The following IQGAP2 variants were observed in gnomAD, a reference collection of about 807,000 sequenced individuals.
IQGAP2 encodes the protein ras GTPase-activating-like protein IQGAP2.
IQGAP2 carries 173 observed loss-of-function variants against 201.3 expected under a neutral mutation model. The ratio of observed to expected loss-of-function variants is 0.86; its 90% confidence interval spans 0.76 to 0.98. IQGAP2 has a LOEUF of 0.98. Ranked by LOEUF, IQGAP2 falls within the 50% of genes least tolerant of loss-of-function variation. The pLI is 0.00. For synonymous variants in IQGAP2, 675 were observed against 673.9 expected, an observed-to-expected ratio of 1.00 and a Z score of -0.03; for missense variants, 1,687 against 1,864.8, an observed-to-expected ratio of 0.90 and a Z score of 1.76.
intron 2 of IQGAP2, among the ~76,000 whole-genome samples, chr5:76,506,915 TC>T (rs1487326240): frequency 6.6e-6 from 1 of 152,224 alleles, no homozygotes; most frequent in African/African-American, 2.4e-5. Flanking sequence ...ATAGGAACCC[TC>T]CATGTTGTCA....
intron 2 of IQGAP2, among the ~76,000 whole-genome samples, chr5:76,535,921 G>A (rs192584766): frequency 6.6e-6 from 1 of 152,216 alleles, no homozygotes; most frequent in East Asian, 1.9e-4. Flanking sequence ...TGGGAATTAA[G>A]AGAATTGTTT....
Position 76,424,810 on chromosome 5 carries a change from G to A in IQGAP2, c.46+21219G>A, listed in dbSNP as rs564575846. 2.0e-4 allele frequency among the ~76,000 whole-genome samples: 30 copies of A among 152,320 alleles called. 1 individual carries two copies. The South Asian group carries it at 2.7e-3, about 14-fold the overall frequency. On this transcript the variant is annotated intron_variant, in intron 1 of 35. Transcript: ENST00000274364. ...CTGGTTTCCTCTCCTGTGACCTGAA[G>A]TAATGAAATTGTAGTACCTGCCTGA...
chr5:76,496,702 C>CTCTTTCTT (rs1225103131), intron 2 of IQGAP2, among the ~76,000 whole-genome samples: 846 of 80,966 alleles, frequency 0.01, 61 homozygotes, highest in African/African-American at 0.041. Flanking sequence ...TTCTTTCTGT[C>CTCTTTCTT]TCTTTCTTTC....
At chr5:76,637,858 T>C (rs761530170) in intron 16 of IQGAP2, among the ~76,000 whole-genome samples, 5 of 152,244 alleles carry the variant, frequency 3.3e-5, no homozygotes, top group Admixed American at 6.5e-5. Context: ...CATGTGTCCA[T>C]GTATTGTACT....
rs1750635368 is a variant in IQGAP2 at position 76,403,689 on chromosome 5, G to A, written c.46+98G>A. 7.4e-6 allele frequency: 8 copies of A among 1,074,852 alleles called. No individual in the cohort carries two copies. The South Asian group carries it at 1.5e-4, about 20-fold the overall frequency. The allele number at this position is 1,074,852 out of a possible 1,614,324, so 66.6% of individuals were successfully genotyped here. ...CCGAGGGAGCCGGTTGCGCGGCGCA[G>A]AGGAAATTGGAAGGCAGCAACTGCG... On this transcript the variant is annotated intron_variant, in intron 1 of 35. Transcript: ENST00000274364. This position sits in a 1 kb window ranked among gnomAD's most constrained non-coding sequence, Gnocchi z 4.8.
intron 31 of IQGAP2, 100 bp downstream of exon 31, chr5:76,693,542 C>T: frequency 1.2e-6 from 1 of 800,444 alleles, no homozygotes; most frequent in East Asian, 2.7e-5. Flanking sequence ...CTGTATCTGA[C>T]ATGGTCCGGA....
rs1196140768 is a variant in IQGAP2, at chr5:76,422,422, A to C, written c.46+18831A>C. ...GTTTTTGAAGGCTGATCATTCTTCC[A>C]CTCCTTCATTGGAAATTAGCCAAGA... On this transcript the variant is annotated intron_variant, in intron 1 of 35. Coordinates refer to ENST00000274364, the MANE Select transcript of IQGAP2 (RefSeq NM_006633.5). 2.0e-5 allele frequency among the ~76,000 whole-genome samples: 3 copies of C among 151,968 alleles called. No individual in the cohort carries two copies. In the South Asian group the frequency reaches 6.2e-4, roughly 31 times the overall value.
At chr5:76,508,585 A>T (rs1445113560) in intron 2 of IQGAP2, among the ~76,000 whole-genome samples, 1 of 151,012 alleles carries the variant, frequency 6.6e-6, no homozygotes, top group African/African-American at 2.4e-5. Context: ...GCTCACCCCC[A>T]TAATCCCAGC....
intron 5 of IQGAP2, 44 bp from the exon 6 acceptor site, chr5:76,588,862 T>TA: frequency 8.4e-7 from 1 of 1,192,076 alleles, no homozygotes; most frequent in Non-Finnish European, 1.2e-6. Flanking sequence ...CATTAAGACT[T>TA]ATGATGATAA....
rs181359610 is a variant in IQGAP2 at position 76,698,075 on chromosome 5, C to A, written c.4295C>A (p.Ala1432Glu). ...QQTLNALNKK[A>E]AFYEEQINYY... is the part of the protein sequence containing the mutation. ...ACCCTGAATGCACTTAACAAGAAGG[C>A]AGCATTTTATGAAGAGCAAATCAAT... The change falls in exon 33 of 36, where the codon GCA (alanine) becomes GAA (glutamate). Residue 1432 changes from alanine to glutamate, a missense_variant. Ala to Glu is a moderately radical substitution (Grantham distance 107, BLOSUM62 -1). Transcript: ENST00000274364. 2.5e-6 allele frequency: 4 copies of A among 1,612,584 alleles called. No homozygotes were observed. The East Asian group carries it at 6.7e-5, about 27-fold the overall frequency.
chr5:76,614,605 C>CTTTTTTTTTTTTTTT lies in IQGAP2; in HGVS notation c.1521+3435_1521+3449dup, dbSNP rs10603126. 5.0e-5 allele frequency among the ~76,000 whole-genome samples: 3 copies of CTTTTTTTTTTTTTTT among 59,572 alleles called. 1 individual carries two copies. Among genetic ancestry groups the CTTTTTTTTTTTTTTT allele is most frequent in the African/African-American group, 7.2e-5 (1 of 13,986 alleles). The allele number at this position is 59,572 out of a possible 152,430, so 39.1% of individuals were successfully genotyped here. On this transcript the variant is annotated intron_variant, in intron 13 of 35. Transcript: ENST00000274364. Reference sequence around the variant, plus strand: ...TTAATGTCTTTGTTTTTCCCCTCTGCTTTTTTTTTTTTTTTTTTTTTTTTT... The same window carrying CTTTTTTTTTTTTTTT: ...TTAATGTCTTTGTTTTTCCCCTCTGCTTTTTTTTTTTTTTTTTTTTTTTTTTTTTTTTTTTTTTTT...
intron 2 of IQGAP2, among the ~76,000 whole-genome samples, chr5:76,509,334 A>T (rs542770544): frequency 6.6e-6 from 1 of 151,760 alleles, no homozygotes; most frequent in Non-Finnish European, 1.5e-5. Flanking sequence ...GCAAGACTCA[A>T]TTGTACCTTA....
chr5:76,436,195 G>A (rs2150097303), intron 1 of IQGAP2, among the ~76,000 whole-genome samples: 1 of 151,708 alleles, frequency 6.6e-6, no homozygotes, highest in African/African-American at 2.4e-5. Flanking sequence ...TTTCCAATTT[G>A]GATGCCCTTT....
intron 1 of IQGAP2, among the ~76,000 whole-genome samples, chr5:76,449,310 C>T (rs1753590808): frequency 6.6e-6 from 1 of 152,134 alleles, no homozygotes; most frequent in African/African-American, 2.4e-5. Context: ...CTGATTAATC[C>T]CATTATTGAA....
At chr5:76,531,465 A>G (rs538260435) in intron 2 of IQGAP2, among the ~76,000 whole-genome samples, 13 of 152,104 alleles carry the variant, frequency 8.5e-5, no homozygotes, top group Non-Finnish European at 1.5e-4. Flanking sequence ...GGGTTTTGCT[A>G]TGTTGTCCAG....
chr5:76,481,647 G>A (rs1323686983), intron 2 of IQGAP2, among the ~76,000 whole-genome samples: 1 of 152,094 alleles, frequency 6.6e-6, no homozygotes, highest in Admixed American at 6.5e-5. Flanking sequence ...GCCTCCCAAA[G>A]TGCAGGGATT....
chr5:76,475,814 G>A (rs1282679716), intron 2 of IQGAP2, among the ~76,000 whole-genome samples: 2 of 152,026 alleles, frequency 1.3e-5, no homozygotes, highest in African/African-American at 4.8e-5. Flanking sequence ...CCAATTGATC[G>A]GCCTTTTGTG....
At chr5:76,413,538 A>G (rs983278397) in intron 1 of IQGAP2, among the ~76,000 whole-genome samples, 9 of 152,214 alleles carry the variant, frequency 5.9e-5, no homozygotes, top group South Asian at 2.1e-4. Context: ...CAGTCTATCA[A>G]TTTGGGTGGG....
chr5:76,571,705 C>T (rs1745129756), intron 4 of IQGAP2, among the ~76,000 whole-genome samples: 1 of 152,020 alleles, frequency 6.6e-6, no homozygotes, highest in Non-Finnish European at 1.5e-5. Context: ...TTTTTTTAAA[C>T]TTGTTATTTT....
Sources: gnomAD v4.1 joint callset for allele counts (sites outside exome capture counted in the v4.1 genomes callset) on GRCh38, gnomAD v4.1.1 for gene constraint, Gnocchi (gnomAD v3.1) non-coding constraint, MANE v1.5 for transcripts, NCBI Gene and HGNC (gene_info 2026-07-23, HGNC 2026-07-21) for gene names.